FAM83B: variants seen among roughly 807,000 people sequenced by gnomAD.
FAM83B encodes the protein protein FAM83B.
Under a neutral mutation model 38.8 loss-of-function variants are expected in FAM83B, and 26 were observed. The observed-to-expected ratio is 0.67, with a 90% CI of 0.49 to 0.93. The LOEUF (loss-of-function observed/expected upper bound fraction) is 0.93. Among genes scored for constraint, FAM83B ranks in the 40% least tolerant of loss-of-function variants. The pLI, the probability that FAM83B is intolerant of heterozygous loss-of-function variation, is 0.00. For missense variants in FAM83B, 1,237 were observed against 1,197.3 expected (o/e 1.03, Z -0.49); for synonymous variants, 419 against 423.1 (o/e 0.99, Z 0.12).
intron 4 of FAM83B, among the ~76,000 whole-genome samples, chr6:54,933,779 T>C (rs1489745912): frequency 6.6e-6 from 1 of 152,130 alleles, no homozygotes; most frequent in Non-Finnish European, 1.5e-5. Flanking sequence ...ATTTCTAAAC[T>C]CTGGTTCCAA....
intron 4 of FAM83B, among the ~76,000 whole-genome samples, chr6:54,937,457 A>T (rs1773548692): frequency 6.6e-6 from 1 of 152,128 alleles, no homozygotes; most frequent in Admixed American, 6.6e-5. Context: ...TACTATGTAC[A>T]GTGAGTACAG....
intron 2 of FAM83B, among the ~76,000 whole-genome samples, chr6:54,890,792 G>GC (rs1216002539): frequency 6.6e-6 from 1 of 151,974 alleles, no homozygotes; most frequent in Non-Finnish European, 1.5e-5. Flanking sequence ...TTTATCATGT[G>GC]CATTAATGTT....
chr6:54,944,967 G>A lies in FAM83B; in HGVS notation c.*2960G>A, dbSNP rs1773770980. 6.6e-6 allele frequency: 1 copy of A among 152,084 alleles called. No homozygotes were observed. The highest frequency in any genetic ancestry group is 1.5e-5 in the Non-Finnish European group (1 of 67,998). The allele number at this position is 152,084 out of a possible 1,614,324, so 9.4% of individuals were successfully genotyped here. A position where few individuals can be genotyped will look rare whatever the true frequency, so the allele number is the denominator to read the frequency against. On this transcript the variant is annotated 3_prime_UTR_variant, in exon 5 of 5. Transcript: ENST00000306858. ...TGGACTCCAAGTCCTGGGCTCAAAC[G>A]ATCCTCCAGCCTCAGGTTCCTGAGT...
chr6:54,901,352 G>A (rs535870730), intron 2 of FAM83B, among the ~76,000 whole-genome samples: 29 of 152,092 alleles, frequency 1.9e-4, no homozygotes, highest in Non-Finnish European at 3.8e-4. Flanking sequence ...AGTTTCTCAC[G>A]ATTTAAAAAA....
intron 2 of FAM83B, among the ~76,000 whole-genome samples, chr6:54,893,494 A>G (rs1165880888): frequency 6.6e-6 from 1 of 151,934 alleles, no homozygotes; most frequent in Non-Finnish European, 1.5e-5. Flanking sequence ...GTATCTTAAT[A>G]CTTCATATTT....
intron 2 of FAM83B, among the ~76,000 whole-genome samples, chr6:54,873,003 T>TA (rs397965782): frequency 1.1e-3 from 166 of 150,510 alleles, no homozygotes; most frequent in African/African-American, 3.7e-3. Flanking sequence ...TTTTTGTTTT[T>TA]AATTTTATTT....
At chr6:54,862,951 A>T (rs1020338365) in intron 1 of FAM83B, among the ~76,000 whole-genome samples, 8 of 152,154 alleles carry the variant, frequency 5.3e-5, no homozygotes, top group Admixed American at 3.9e-4. Flanking sequence ...TTGGTGCAAA[A>T]AAATAAATAA....
intron 2 of FAM83B, among the ~76,000 whole-genome samples, chr6:54,901,949 A>G (rs1055077136): frequency 5.9e-5 from 9 of 152,082 alleles, no homozygotes; most frequent in Admixed American, 5.9e-4. Flanking sequence ...CCTCTTACTT[A>G]GGAATCATGA....
At chr6:54,928,595 A>G (rs1773358150) in intron 4 of FAM83B, among the ~76,000 whole-genome samples, 3 of 152,174 alleles carry the variant, frequency 2.0e-5, no homozygotes, top group Admixed American at 2.0e-4. Flanking sequence ...TGGAGTTCCA[A>G]ATGAAAACAT....
At chr6:54,860,931 C>T (rs1464193289) in intron 1 of FAM83B, among the ~76,000 whole-genome samples, 2 of 152,192 alleles carry the variant, frequency 1.3e-5, no homozygotes, top group East Asian at 3.8e-4. Context: ...ACTCATTGCT[C>T]TGCTTATCCC....
intron 2 of FAM83B, among the ~76,000 whole-genome samples, chr6:54,883,157 A>G (rs531387640): frequency 1.3e-5 from 2 of 151,836 alleles, no homozygotes; most frequent in African/African-American, 4.8e-5. Context: ...GTTAGCCAGG[A>G]TGGTCTCTAT....
chr6:54,907,773 A>G (rs757973154), intron 2 of FAM83B, among the ~76,000 whole-genome samples: 5 of 152,130 alleles, frequency 3.3e-5, no homozygotes, highest in East Asian at 1.9e-4. Context: ...AATGTTGCCA[A>G]ATTTTTGAGG....
intron 2 of FAM83B, among the ~76,000 whole-genome samples, chr6:54,908,959 TG>T (rs1436462698): frequency 5.3e-5 from 8 of 152,200 alleles, no homozygotes; most frequent in African/African-American, 1.9e-4. Flanking sequence ...ACTTACTGTG[TG>T]ATCTTAAATA....
At chr6:54,922,590 C>T (rs1773195444) in intron 2 of FAM83B, among the ~76,000 whole-genome samples, 1 of 151,898 alleles carries the variant, frequency 6.6e-6, no homozygotes, top group South Asian at 2.1e-4. Flanking sequence ...TCTGGCTCCT[C>T]ATACCATTTA....
rs562033952 is a variant in FAM83B, at chr6:54,942,565, A to T, written c.*558A>T. Among the ~76,000 whole-genome samples, 6 of 150,056 alleles carry T rather than the reference A, an allele frequency of 4.0e-5. No homozygotes were observed. The highest frequency in any genetic ancestry group is 2.1e-4 in the South Asian group (1 of 4,728). ...GTACCTTTTACATTTTTTATTTTTT[A>T]TTTTTTTTTCTGCCTGAAGTGTTTG... On this transcript the variant is annotated 3_prime_UTR_variant, in exon 5 of 5. Coordinates refer to ENST00000306858, the MANE Select transcript of FAM83B (RefSeq NM_001010872.3).
In FAM83B at chr6:54,941,302, A is replaced by G. The variant is rs1773685912; in HGVS notation, c.2331A>G (p.Ser777=). Residue 777 remains serine, a synonymous_variant, in exon 5 of 5, where the codon TCA becomes TCG. Coordinates refer to ENST00000306858, the MANE Select transcript of FAM83B (RefSeq NM_001010872.3). Reference sequence around the variant, plus strand: ...AAAAGGGGTCTCAGAAGTTAAGGTCATTACTTAGCCTTACCCCAGATAAGA... The same window carrying G: ...AAAAGGGGTCTCAGAAGTTAAGGTCGTTACTTAGCCTTACCCCAGATAAGA... ...FLKKGSQKLR[S]LLSLTPDKKE... 4 of 1,611,290 alleles carry G rather than the reference A, an allele frequency of 2.5e-6. No individual in the cohort carries two copies. The highest frequency in any genetic ancestry group is 2.7e-5 in the African/African-American group (2 of 74,648).
intron 2 of FAM83B, among the ~76,000 whole-genome samples, chr6:54,909,699 G>GTAAT (rs1561922050): frequency 6.6e-6 from 1 of 152,116 alleles, no homozygotes; most frequent in Admixed American, 6.6e-5. Flanking sequence ...CCCCAAGAAA[G>GTAAT]TAATAAGTAA....
intron 1 of FAM83B, among the ~76,000 whole-genome samples, chr6:54,863,540 G>T (rs981710279): frequency 1.9e-5 from 1 of 52,440 alleles, no homozygotes; most frequent in Non-Finnish European, 4.7e-5. Context: ...CAACTATGCC[G>T]CTGAGCCAAC....
At chr6:54,924,217 G>A (rs1049218191) in intron 2 of FAM83B, among the ~76,000 whole-genome samples, 23 of 139,432 alleles carry the variant, frequency 1.6e-4, no homozygotes, top group South Asian at 2.3e-4. Flanking sequence ...ACACACACAC[G>A]CACACACCAC....
Sources: allele counts gnomAD v4.1 joint callset (sites outside exome capture counted in the v4.1 genomes callset), GRCh38; gene constraint gnomAD v4.1.1; transcripts MANE v1.5; gene names NCBI Gene and HGNC (gene_info 2026-07-23, HGNC 2026-07-21).